CDH13: variants seen among roughly 807,000 people sequenced by gnomAD.
CDH13 encodes the protein cadherin-13.
A neutral mutation model predicts 63.8 loss-of-function variants in CDH13; 24 were observed. The observed-to-expected ratio is 0.38, with a 90% CI of 0.27 to 0.53. The LOEUF (loss-of-function observed/expected upper bound fraction) is 0.53. Among genes scored for constraint, CDH13 ranks in the 20% least tolerant of loss-of-function variants. The pLI, the probability that CDH13 is intolerant of heterozygous loss-of-function variation, is 0.85. For synonymous variants in CDH13, 503 were observed against 355.3 expected, an observed-to-expected ratio of 1.42 and a Z score of -4.67; for missense variants, 1,049 against 903.1, an observed-to-expected ratio of 1.16 and a Z score of -2.07.
At chr16:83,282,705 T>C (rs1379541742) in intron 5 of CDH13, among the ~76,000 whole-genome samples, 1 of 152,146 alleles carries the variant, frequency 6.6e-6, no homozygotes, top group Non-Finnish European at 1.5e-5. Context: ...AAGAAATAAG[T>C]TCTTCCAGTG....
intron 2 of CDH13, among the ~76,000 whole-genome samples, chr16:82,885,896 A>G (rs1268165852): frequency 1.3e-5 from 2 of 152,210 alleles, no homozygotes. Flanking sequence ...GATACTTGAC[A>G]AAGTGCCTGG....
intron 8 of CDH13, among the ~76,000 whole-genome samples, chr16:83,619,975 A>G (rs1389931342): frequency 1.3e-5 from 2 of 152,154 alleles, no homozygotes; most frequent in African/African-American, 4.8e-5. Flanking sequence ...TGACCAGAGC[A>G]ACATGAAAGA....
intron 2 of CDH13, among the ~76,000 whole-genome samples, chr16:82,938,816 A>C (rs986544204): frequency 6.6e-6 from 1 of 152,230 alleles, no homozygotes; most frequent in Non-Finnish European, 1.5e-5. Context: ...TGTAGAAGAC[A>C]CACTTCAGAG....
chr16:82,888,230 C>A (rs767205959), intron 2 of CDH13, among the ~76,000 whole-genome samples: 1 of 152,116 alleles, frequency 6.6e-6, no homozygotes, highest in South Asian at 2.1e-4. Flanking sequence ...ATCAGACGGG[C>A]GCTCCCATTG....
chr16:83,283,085 C>T (rs754681539), intron 5 of CDH13, among the ~76,000 whole-genome samples: 5 of 152,180 alleles, frequency 3.3e-5, no homozygotes, highest in Non-Finnish European at 5.9e-5. Context: ...TGGGGCTGCT[C>T]AATAAATGTT....
chr16:83,690,952 C>T (rs1904795850), intron 10 of CDH13, among the ~76,000 whole-genome samples: 1 of 151,940 alleles, frequency 6.6e-6, no homozygotes, highest in Non-Finnish European at 1.5e-5. Context: ...GAACTCCTGG[C>T]CTCAAGTGAT....
chr16:83,126,489 T>A (rs1181084739), intron 4 of CDH13, among the ~76,000 whole-genome samples: 4 of 152,088 alleles, frequency 2.6e-5, no homozygotes, highest in Non-Finnish European at 2.9e-5. Context: ...TGGGAAGAGC[T>A]GTTTTGGCTG....
chr16:83,444,386 T>A (rs149513476), intron 6 of CDH13, among the ~76,000 whole-genome samples: 1 of 152,200 alleles, frequency 6.6e-6, no homozygotes, highest in Admixed American at 6.5e-5. Flanking sequence ...TTTAAAGATA[T>A]TGAAACTGAA....
intron 2 of CDH13, among the ~76,000 whole-genome samples, chr16:82,905,570 C>G (rs958519508): frequency 5.3e-5 from 8 of 151,924 alleles, no homozygotes; most frequent in Non-Finnish European, 8.8e-5. Flanking sequence ...TATCAGAAAC[C>G]ACATTTTCCT....
At chr16:82,913,013 A>G (rs1031939486) in intron 2 of CDH13, among the ~76,000 whole-genome samples, 1 of 152,118 alleles carries the variant, frequency 6.6e-6, no homozygotes, top group East Asian at 1.9e-4. Flanking sequence ...ACATGGTAAA[A>G]TCTGAATTTA....
At chr16:83,502,853 G>C (rs951277681) in intron 7 of CDH13, among the ~76,000 whole-genome samples, 2 of 152,220 alleles carry the variant, frequency 1.3e-5, no homozygotes, top group African/African-American at 4.8e-5. Flanking sequence ...CACTTGACCA[G>C]ATCTTTCTCA....
chr16:83,389,261 G>A (rs1278226458), intron 6 of CDH13, among the ~76,000 whole-genome samples: 1 of 152,142 alleles, frequency 6.6e-6, no homozygotes, highest in Non-Finnish European at 1.5e-5. Context: ...AATTGCCATA[G>A]TTGTTATTTT....
At position 83,184,123 on chromosome 16, in the gene CDH13, CACAT is replaced by C. The variant is rs1180600534; in HGVS notation, c.484-33218_484-33215del. On this transcript the variant is annotated intron_variant, in intron 4 of 13. Coordinates refer to ENST00000567109, the MANE Select transcript of CDH13 (RefSeq NM_001257.5). Reference sequence around the variant, plus strand: ...ACACACACACACACACACACACACACACATACACACACACACAACTAGTAAAAAA... The same window carrying C: ...ACACACACACACACACACACACACACACACACACACACAACTAGTAAAAAA... Among the ~76,000 whole-genome samples the C allele has an allele frequency of 2.1e-3, 308 of 144,388 alleles. 4 individuals carry two copies. In the South Asian group the frequency reaches 0.026, roughly 12 times the overall value. 94.7% of individuals were successfully genotyped at this position (144,388 alleles called of 152,430 possible).
chr16:83,032,049 A>T lies in CDH13; in HGVS notation c.197A>T (p.Tyr66Phe). 1 of 1,607,734 alleles carries T rather than the reference A, an allele frequency of 6.2e-7. No homozygotes were observed. The highest frequency in any genetic ancestry group is 8.5e-7 in the Non-Finnish European group (1 of 1,177,274). ...SDCKGNDKLR[Y>F]EVSSPYFKVN... ...TGTAAGGGAAACGACAAGCTACGCT[A>T]TGAGGTCTCGAGCCCATACTTCAAG... Residue 66 changes from tyrosine to phenylalanine, a missense_variant, in exon 3 of 14, where the codon TAT becomes TTT. Coordinates refer to ENST00000567109, the MANE Select transcript of CDH13 (RefSeq NM_001257.5).
chr16:83,127,501 G>A (rs1022491344), intron 4 of CDH13, among the ~76,000 whole-genome samples: 7 of 151,988 alleles, frequency 4.6e-5, no homozygotes, highest in African/African-American at 1.4e-4. Flanking sequence ...ACGCTGAGGC[G>A]GGAGGATCAC....
At chr16:83,063,775 C>A (rs1597254916) in intron 3 of CDH13, among the ~76,000 whole-genome samples, 1 of 152,172 alleles carries the variant, frequency 6.6e-6, no homozygotes, top group African/African-American at 2.4e-5. Context: ...AAGGTGTCAG[C>A]AGAACTGGTT....
intron 1 of CDH13, among the ~76,000 whole-genome samples, chr16:82,793,630 C>G (rs925009565): frequency 3.9e-5 from 6 of 152,012 alleles, no homozygotes; most frequent in Non-Finnish European, 8.8e-5. Context: ...ATTTTTATGC[C>G]CGATATAGTA....
intron 4 of CDH13, chr16:83,180,856 T>C (rs2038324858): frequency 6.6e-7 from 1 of 1,507,128 alleles, no homozygotes. Flanking sequence ...AAATGTGTTT[T>C]TTTTTTCTTA....
At chr16:83,022,195 A>G (rs555732975) in intron 2 of CDH13, among the ~76,000 whole-genome samples, 2 of 152,334 alleles carry the variant, frequency 1.3e-5, no homozygotes, top group South Asian at 4.1e-4. Flanking sequence ...TCTGAATTAA[A>G]TGCTACTTTA....
Sources: allele counts gnomAD v4.1 joint callset (sites outside exome capture counted in the v4.1 genomes callset), GRCh38; gene constraint gnomAD v4.1.1; transcripts MANE v1.5; gene names NCBI Gene and HGNC (gene_info 2026-07-23, HGNC 2026-07-21).